Variants in MTMR3 observed in about 807,000 individuals in gnomAD.
MTMR3 encodes phosphatidylinositol-3,5-bisphosphate 3-phosphatase MTMR3.
MTMR3 carries 32 observed loss-of-function variants against 132.4 expected under a neutral mutation model. The observed-to-expected ratio is 0.24, with a 90% CI of 0.18 to 0.32. The LOEUF is 0.32. MTMR3 is among the 10% of genes least tolerant of loss of function. The pLI is 1.00. For missense variants in MTMR3, 1,216 were observed against 1,489.6 expected, an observed-to-expected ratio of 0.82 and a Z score of 3.02; for synonymous variants, 556 against 550.3, an observed-to-expected ratio of 1.01 and a Z score of -0.14.
At chr22:30,014,402 C>T (rs1327435361) in intron 14 of MTMR3, 1 of 152,250 alleles carries the variant, frequency 6.6e-6, no homozygotes, top group East Asian at 1.9e-4. Context: ...TCTAGTACTT[C>T]CTTGCAGTTG....
At chr22:30,002,256 AC>A (rs1197848865) in intron 8 of MTMR3, 2 of 152,170 alleles carry the variant, frequency 1.3e-5, no homozygotes. Context: ...CACATTACTA[AC>A]CTGGTTCAAT....
intron 1 of MTMR3, among the ~76,000 whole-genome samples, chr22:29,937,271 G>A (rs1461508129): frequency 2.6e-5 from 4 of 152,038 alleles, no homozygotes; most frequent in Non-Finnish European, 2.9e-5. Context: ...GCGCCTACTC[G>A]ATACCAAGAC....
At chr22:29,903,880 A>G (rs1216009185) in intron 1 of MTMR3, among the ~76,000 whole-genome samples, 2 of 152,210 alleles carry the variant, frequency 1.3e-5, no homozygotes, top group African/African-American at 2.4e-5. Context: ...CACTTGAAAT[A>G]TGGTCATTTG....
chr22:29,954,365 T>C (rs1039231632), intron 1 of MTMR3, among the ~76,000 whole-genome samples: 7 of 152,108 alleles, frequency 4.6e-5, no homozygotes, highest in African/African-American at 1.7e-4. Flanking sequence ...GCTAAGATTA[T>C]AGGCATGAGC....
At chr22:30,021,423 G>GT (rs2067746265) in intron 17 of MTMR3, 1 of 158,902 alleles carries the variant, frequency 6.3e-6, no homozygotes, top group Non-Finnish European at 1.4e-5. Flanking sequence ...GCTCTGATGG[G>GT]GGTTTGTGGC....
Position 30,020,567 on chromosome 22 carries a change from C to G in MTMR3, c.2908C>G (p.Leu970Val). 2 of 1,614,236 alleles carry G rather than the reference C, an allele frequency of 1.2e-6. No individual in the cohort carries two copies. The highest frequency in any genetic ancestry group is 1.7e-6 in the Non-Finnish European group (2 of 1,180,038). Residue 970 changes from leucine (L) to valine (V), a missense_variant, in exon 17 of 20, where the codon CTG (leucine) becomes GTG (valine). This residue lies in a region of MTMR3 where 852 missense variants were observed against 852.0 expected (regional missense o/e 1.00). Coordinates refer to ENST00000401950, the MANE Select transcript of MTMR3 (RefSeq NM_021090.4). ...NGEAGRSKDS[L>V]SRQLSAMSCS... ...GGAGGCTGGTAGGAGCAAGGACTCA[C>G]TGAGCCGTCAGCTGTCTGCTATGAG...
intron 1 of MTMR3, among the ~76,000 whole-genome samples, chr22:29,897,314 A>G (rs528096760): frequency 1.3e-5 from 2 of 151,756 alleles, no homozygotes; most frequent in Non-Finnish European, 1.5e-5. Flanking sequence ...TGACCTTGTG[A>G]TTGGCCTGCC....
At chr22:29,936,739 ACAC>A (rs1460172738) in intron 1 of MTMR3, among the ~76,000 whole-genome samples, 1 of 152,216 alleles carries the variant, frequency 6.6e-6, no homozygotes, top group Non-Finnish European at 1.5e-5. Context: ...TTATTTAGTG[ACAC>A]CACATTTTCA....
chr22:29,910,573 AT>A (rs2065191673), intron 1 of MTMR3, among the ~76,000 whole-genome samples: 1 of 152,196 alleles, frequency 6.6e-6, no homozygotes, highest in South Asian at 2.1e-4. Context: ...TGGCGACTAT[AT>A]GATAACCAAA....
In MTMR3 at chr22:29,938,110, A is replaced by G. The variant is rs1317142501; in HGVS notation, c.-137-18926A>G. On this transcript the variant is annotated intron_variant, in intron 1 of 19. Coordinates refer to ENST00000401950, the MANE Select transcript of MTMR3 (RefSeq NM_021090.4). ...TAGGTTTCACCTAGGATCTCATTAT[A>G]TGCTCATTAACATACTAAATCACAT... Among the ~76,000 whole-genome samples the G allele has an allele frequency of 2.6e-5, 4 of 152,204 alleles. No individual in the cohort carries two copies. The East Asian group carries it at 5.8e-4, about 22-fold the overall frequency.
chr22:29,959,209 A>G (rs1042425481), intron 2 of MTMR3, among the ~76,000 whole-genome samples: 6 of 152,082 alleles, frequency 3.9e-5, no homozygotes, highest in African/African-American at 1.4e-4. Context: ...CTGATGATGG[A>G]GCTGAGAGAA....
rs1569051758 is a variant in MTMR3, at chr22:30,016,689, G to A, written c.1665G>A (p.Gln555=). 1 of 1,612,700 alleles carries A rather than the reference G, an allele frequency of 6.2e-7. No homozygotes were observed. The highest frequency in any genetic ancestry group is 1.3e-5 in the African/African-American group (1 of 75,032). ...KAFKNLLYSS[Q]SEAVLYPVCH... ...TCAAAAACCTACTGTATTCCTCTCA[G>A]TCAGAAGCCGTATGTATCCTTCAGC... The change falls in exon 15 of 20, where the codon CAG becomes CAA. Residue 555 remains glutamine, a synonymous_variant. Transcript: ENST00000401950.
chr22:29,988,110 C>T (rs370525037), intron 5 of MTMR3: 395 of 155,284 alleles, frequency 2.5e-3, no homozygotes, highest in African/African-American at 9.1e-3. Flanking sequence ...GATTACTGTT[C>T]TGGCTCCCTT....
At chr22:29,967,193 T>TTGTGTGTGTG (rs10680622) in intron 2 of MTMR3, among the ~76,000 whole-genome samples, 215 of 142,046 alleles carry the variant, frequency 1.5e-3, no homozygotes, top group African/African-American at 3.6e-3. Context: ...TTCACCTCTG[T>TTGTGTGTGTG]TGTGTGTGTG....
chr22:29,988,594 T>A (rs746071676), intron 6 of MTMR3, 32 bp downstream of exon 6: 1 of 1,511,794 alleles, frequency 6.6e-7, no homozygotes, highest in Non-Finnish European at 9.0e-7. Context: ...TGTTGCTGTT[T>A]AGTGTGGAAA....
At chr22:29,966,108 C>G (rs752189821) in intron 2 of MTMR3, among the ~76,000 whole-genome samples, 1 of 152,058 alleles carries the variant, frequency 6.6e-6, no homozygotes, top group Admixed American at 6.6e-5. Flanking sequence ...CAAAAGTTAC[C>G]AACTCATGAC....
Position 29,970,980 on chromosome 22 carries a change from C to A in MTMR3, c.-80C>A. On this transcript the variant is annotated 5_prime_UTR_variant, in exon 3 of 20. Transcript: ENST00000401950. ...CCTCTTCCCCCCCACCCCCAGACTT[C>A]ACCATAAGGGAAAGAAGAGAGCCTT... 8 of 584,288 alleles carry A rather than the reference C, an allele frequency of 1.4e-5. No individual in the cohort carries two copies. Among genetic ancestry groups the A allele is most frequent in the Middle Eastern group, 3.3e-4 (1 of 3,066 alleles). 36.2% of individuals were successfully genotyped at this position (584,288 alleles called of 1,614,324 possible).
intron 1 of MTMR3, among the ~76,000 whole-genome samples, chr22:29,954,328 A>G (rs957333476): frequency 6.6e-6 from 1 of 151,998 alleles, no homozygotes; most frequent in Non-Finnish European, 1.5e-5. Context: ...GGTCTCAAGC[A>G]GTCCTCCCAC....
At position 30,020,473 on chromosome 22, in the gene MTMR3, C is replaced by T. The variant is rs750269967; in HGVS notation, c.2814C>T (p.Ala938=). The T allele has an allele frequency of 1.2e-6, 2 of 1,614,170 alleles. No individual in the cohort carries two copies. The part of the protein sequence containing the change: ...CNGAPETENR[A]SEQPPGLSTL... ...GTGCCCCAGAGACTGAAAACAGGGC[C>T]TCAGAGCAGCCCCCAGGTCTTAGCA... is the stretch of plus-strand genomic sequence containing the variant. Residue 938 remains alanine, a synonymous_variant, in exon 17 of 20, where the codon GCC becomes GCT. Coordinates refer to ENST00000401950, the MANE Select transcript of MTMR3 (RefSeq NM_021090.4).
Sources: allele counts gnomAD v4.1 joint callset (sites outside exome capture counted in the v4.1 genomes callset), GRCh38; gene constraint gnomAD v4.1.1; regional missense constraint gnomAD v4.1.1; transcripts MANE v1.5; gene names NCBI Gene and HGNC (gene_info 2026-07-23, HGNC 2026-07-21).